Variants in CABP1 observed in about 807,000 individuals in gnomAD.
The protein encoded by CABP1 is calcium-binding protein 1.
CABP1 carries 17 observed loss-of-function variants against 34.3 expected under a neutral mutation model. The observed-to-expected ratio is 0.50, with a 90% CI of 0.34 to 0.74. The LOEUF (loss-of-function observed/expected upper bound fraction) is 0.74. CABP1 is among the 30% of genes least tolerant of loss of function. The pLI is 0.01. For missense variants in CABP1, 373 were observed against 511.1 expected (o/e 0.73, Z 2.61); for synonymous variants, 198 against 229.2 (o/e 0.86, Z 1.23).
chr12:120,661,146 G>T lies in CABP1; in HGVS notation c.1015G>T (p.Val339Leu). The change falls in exon 5 of 6, where the codon GTG (valine) becomes TTG (leucine). Residue 339 changes from valine to leucine, a missense_variant. This residue lies in a region of CABP1 where 109 missense variants were observed against 204.8 expected (regional missense o/e 0.53). Coordinates refer to ENST00000316803, the MANE Select transcript of CABP1 (RefSeq NM_001033677.2). This position sits in a 1 kb window ranked among gnomAD's most constrained non-coding sequence, Gnocchi z 5.1. ...TATGAGGAAGCTCCTGGGTCATCAG[G>T]TGGGACACCGAGACATAGAGGAAAT... is the stretch of plus-strand genomic sequence containing the variant. Reference protein sequence around the residue: ...EAMRKLLGHQVGHRDIEEIIR... With the variant: ...EAMRKLLGHQLGHRDIEEIIR... 6.2e-7 allele frequency: 1 copy of T among 1,613,602 alleles called. No individual in the cohort carries two copies. The highest frequency in any genetic ancestry group is 8.5e-7 in the Non-Finnish European group (1 of 1,179,998).
At chr12:120,679,360 A>G in the CABP1 span, among the ~76,000 whole-genome samples, 1 of 152,196 alleles carries the variant, frequency 6.6e-6, no homozygotes, top group Non-Finnish European at 1.5e-5. Flanking sequence ...CTTTGGACAA[A>G]TCCCTCAACT....
downstream of CABP1, among the ~76,000 whole-genome samples, chr12:120,667,964 T>C (rs980497124): frequency 1.3e-5 from 2 of 152,190 alleles, no homozygotes; most frequent in Non-Finnish European, 2.9e-5. Flanking sequence ...AGAGTCTGTA[T>C]CACTTCTGAC....
chr12:120,670,745 C>T (rs138331810), downstream of CABP1, among the ~76,000 whole-genome samples: 1,307 of 152,166 alleles, frequency 8.6e-3, 24 homozygotes, highest in African/African-American at 0.03. Context: ...AGACTTTTGT[C>T]TCGAAAACCA....
intron 5 of CABP1, among the ~76,000 whole-genome samples, chr12:120,665,541 A>G (rs1880915373): frequency 6.6e-6 from 1 of 152,156 alleles, no homozygotes; most frequent in South Asian, 2.1e-4. Flanking sequence ...ATGAACCCTG[A>G]TGTAAACTGT....
At chr12:120,649,359 CTA>C (rs2137333299) in intron 1 of CABP1, among the ~76,000 whole-genome samples, 1 of 152,342 alleles carries the variant, frequency 6.6e-6, no homozygotes, top group African/African-American at 2.4e-5. Flanking sequence ...TGCTTCCAGT[CTA>C]TCTCTGGTGC....
chr12:120,657,836 G>A (rs1467860463), intron 1 of CABP1, among the ~76,000 whole-genome samples: 3 of 152,148 alleles, frequency 2.0e-5, no homozygotes, highest in Non-Finnish European at 4.4e-5. Context: ...CTGCAGAACT[G>A]GGCCTTGGAG....
At chr12:120,663,084 C>T (rs1057154985) in intron 5 of CABP1, among the ~76,000 whole-genome samples, 1 of 152,196 alleles carries the variant, frequency 6.6e-6, no homozygotes, top group Non-Finnish European at 1.5e-5. Flanking sequence ...CCTGGTTCCT[C>T]AAACTGAACT....
In CABP1 at chr12:120,660,369, C is replaced by T; in HGVS notation, c.829+30C>T. 6.2e-7 allele frequency: 1 copy of T among 1,604,972 alleles called. No homozygotes were observed. Among genetic ancestry groups the T allele is most frequent in the Non-Finnish European group, 8.5e-7 (1 of 1,177,046 alleles). On this transcript the variant is annotated intron_variant, in intron 3 of 5. Transcript: ENST00000316803. The surrounding 1 kb of genome is among the most constrained non-coding windows in gnomAD (Gnocchi z 5.0). Reference sequence around the variant, plus strand: ...GTCCCTCTACCAGGCATCTGCGTCCCTTCGGTCCTCACCCTTGCCGTCCTC... The same window carrying T: ...GTCCCTCTACCAGGCATCTGCGTCCTTTCGGTCCTCACCCTTGCCGTCCTC...
At chr12:120,664,236 A>C (rs892694932) in intron 5 of CABP1, among the ~76,000 whole-genome samples, 8 of 152,218 alleles carry the variant, frequency 5.3e-5, no homozygotes, top group Non-Finnish European at 7.3e-5. Context: ...AGAAAACCAG[A>C]GAAAACAATA....
chr12:120,666,746 G>A (rs1416685860), intron 5 of CABP1, 129 bp from the exon 6 acceptor site: 4 of 987,502 alleles, frequency 4.1e-6, no homozygotes, highest in Non-Finnish European at 6.1e-6. Context: ...TCCATGGATT[G>A]GAGAGGGCGG....
the CABP1 span, among the ~76,000 whole-genome samples, chr12:120,672,784 C>T: frequency 6.7e-6 from 1 of 149,984 alleles, no homozygotes; most frequent in South Asian, 2.1e-4. Context: ...CATCCCAGTA[C>T]TTTGGGAGGC....
At position 120,661,674 on chromosome 12, in the gene CABP1, TATCC is replaced by T. The variant is rs746618151; in HGVS notation, c.1087+478_1087+481del. The T allele has an allele frequency of 1.6e-4, 25 of 159,718 alleles. No homozygotes were observed. The highest frequency in any genetic ancestry group is 1.0e-3 in the South Asian group (6 of 5,800). 9.9% of individuals were successfully genotyped at this position (159,718 alleles called of 1,614,324 possible). The stretch of plus-strand genomic sequence containing the variant: ...CCGTCCATCCATTCGTCTACATATC[TATCC>T]ATCCATCCATCCATCCATCCACCTA... On this transcript the variant is annotated intron_variant, in intron 5 of 5. Coordinates refer to ENST00000316803, the MANE Select transcript of CABP1 (RefSeq NM_001033677.2). This position sits in a 1 kb window ranked among gnomAD's most constrained non-coding sequence, Gnocchi z 5.1.
intron 1 of CABP1, among the ~76,000 whole-genome samples, chr12:120,652,549 G>A (rs1879912807): frequency 6.6e-6 from 1 of 152,164 alleles, no homozygotes; most frequent in South Asian, 2.1e-4. Context: ...TGTAAAATCA[G>A]AGCTGGCATT....
the CABP1 span, among the ~76,000 whole-genome samples, chr12:120,678,403 T>C: frequency 6.6e-6 from 1 of 152,212 alleles, no homozygotes; most frequent in Non-Finnish European, 1.5e-5. Flanking sequence ...TTTTTCTCCC[T>C]TGGGGAGAAG....
At chr12:120,668,927 A>C (rs989074559), downstream of CABP1, among the ~76,000 whole-genome samples, 2 of 152,178 alleles carry the variant, frequency 1.3e-5, no homozygotes, top group Admixed American at 1.3e-4. Flanking sequence ...CCACCCCCGC[A>C]GTGATTCTGA....
rs1245995523 is a variant in CABP1 at position 120,661,710 on chromosome 12, CATCT to C, written c.1087+493_1087+496del. The C allele has an allele frequency of 2.5e-5, 4 of 158,136 alleles. No individual in the cohort carries two copies. Among genetic ancestry groups the C allele is most frequent in the Non-Finnish European group, 5.6e-5 (4 of 71,330 alleles). The allele number at this position is 158,136 out of a possible 1,614,324, so 9.8% of individuals were successfully genotyped here. A position where few individuals can be genotyped will look rare whatever the true frequency, so the allele number is the denominator to read the frequency against. On this transcript the variant is annotated intron_variant, in intron 5 of 5. Transcript: ENST00000316803. The surrounding 1 kb of genome is among the most constrained non-coding windows in gnomAD (Gnocchi z 5.1). ...CCATCCATCCATCCACCTATCCATC[CATCT>C]GTCCATCCATTCATCTACCTATTCA...
chr12:120,675,747 T>A, the CABP1 span, among the ~76,000 whole-genome samples: 1 of 152,198 alleles, frequency 6.6e-6, no homozygotes, highest in Non-Finnish European at 1.5e-5. Flanking sequence ...TTGTCCAGCA[T>A]AGTGTCTTCA....
At chr12:120,647,741 T>C (rs7138060) in intron 1 of CABP1, among the ~76,000 whole-genome samples, 2 of 93,732 alleles carry the variant, frequency 2.1e-5, no homozygotes, top group African/African-American at 7.7e-5. Context: ...CTAACTTTTG[T>C]ATTTTTTTTT....
In CABP1 at chr12:120,640,798, C is replaced by T. The variant is rs1565992413; in HGVS notation, c.113C>T (p.Pro38Leu). The T allele has an allele frequency of 2.7e-6, 3 of 1,103,686 alleles. No homozygotes were observed. The highest frequency in any genetic ancestry group is 3.3e-6 in the Non-Finnish European group (3 of 907,616). 68.4% of individuals were successfully genotyped at this position (1,103,686 alleles called of 1,614,324 possible). The change falls in exon 1 of 6, where the codon CCC (proline) becomes CTC (leucine). Residue 38 changes from proline (P) to leucine (L), a missense_variant. By Grantham distance (98) the Pro-to-Leu change is moderately conservative. Transcript: ENST00000316803. The surrounding 1 kb of genome is among the most constrained non-coding windows in gnomAD (Gnocchi z 6.2). ...REPRSLPAGG[P>L]APRRTAPPPP... ...CCCCGTTCTCTGCCCGCCGGGGGCCCCGCGCCGCGCCGCACCGCGCCGCCC... is the reference window on the plus strand; with the variant it reads ...CCCCGTTCTCTGCCCGCCGGGGGCCTCGCGCCGCGCCGCACCGCGCCGCCC...
Sources: allele counts gnomAD v4.1 joint callset (sites outside exome capture counted in the v4.1 genomes callset), GRCh38; gene constraint gnomAD v4.1.1; regional missense constraint gnomAD v4.1.1; non-coding constraint Gnocchi (gnomAD v3.1); transcripts MANE v1.5; gene names NCBI Gene and HGNC (gene_info 2026-07-23, HGNC 2026-07-21).